CCSER1: variants seen among roughly 807,000 people sequenced by gnomAD.
CCSER1 encodes coiled-coil serine rich protein 1, also known as serine-rich coiled-coil domain-containing protein 1.
Under a neutral mutation model 82.0 loss-of-function variants are expected in CCSER1, and 41 were observed. The observed-to-expected ratio is 0.50, with a 90% CI of 0.39 to 0.65. The LOEUF (loss-of-function observed/expected upper bound fraction) is 0.65, where lower values mean the gene tolerates loss of function less well. Ranked by LOEUF, CCSER1 falls within the 30% of genes least tolerant of loss-of-function variation. The pLI is 0.00. For synonymous variants in CCSER1, 414 were observed against 383.9 expected (o/e 1.08, Z -0.92); for missense variants, 1,119 against 1,064.2 (o/e 1.05, Z -0.72).
Position 90,831,968 on chromosome 4 carries a change from A to G in CCSER1, c.2094+16123A>G, listed in dbSNP as rs1042429224. On this transcript the variant is annotated intron_variant, in intron 8 of 10. Coordinates refer to ENST00000509176, the MANE Select transcript of CCSER1 (RefSeq NM_001145065.2). ...TTGTATCTTGCTTTCTAATAATTGT[A>G]TATCACATATATCTTATATGTGTAA... Among the ~76,000 whole-genome samples, 51 of 152,068 alleles carry G rather than the reference A, an allele frequency of 3.4e-4. 1 individual carries two copies. Among genetic ancestry groups the G allele is most frequent in the South Asian group, 2.1e-4 (1 of 4,828 alleles).
intron 3 of CCSER1, among the ~76,000 whole-genome samples, chr4:90,344,096 T>C (rs1048942347): frequency 1.3e-5 from 2 of 152,166 alleles, no homozygotes; most frequent in Admixed American, 6.5e-5. Context: ...ATGAGTTCAA[T>C]TGTTTCAACT....
At chr4:90,662,188 T>C (rs1579794250) in intron 6 of CCSER1, among the ~76,000 whole-genome samples, 1 of 151,848 alleles carries the variant, frequency 6.6e-6, no homozygotes, top group African/African-American at 2.4e-5. Context: ...TTAGTACAAA[T>C]GGGTTTCACC....
At chr4:91,505,751 T>TA (rs1395984327) in intron 10 of CCSER1, among the ~76,000 whole-genome samples, 1 of 152,216 alleles carries the variant, frequency 6.6e-6, no homozygotes, top group Non-Finnish European at 1.5e-5. Flanking sequence ...TTTTGAGAAG[T>TA]GTCTCTTCAT....
At chr4:91,039,827 C>A (rs766005567) in intron 9 of CCSER1, among the ~76,000 whole-genome samples, 1 of 151,908 alleles carries the variant, frequency 6.6e-6, no homozygotes, top group Non-Finnish European at 1.5e-5. Context: ...GCAATTGTAT[C>A]TATAAGGACA....
At chr4:91,125,767 A>C (rs1727458691) in intron 10 of CCSER1, among the ~76,000 whole-genome samples, 2 of 151,848 alleles carry the variant, frequency 1.3e-5, no homozygotes, top group African/African-American at 2.4e-5. Flanking sequence ...AATGAGAATT[A>C]TTGTACATAA....
chr4:91,004,276 A>T (rs1738310297), intron 9 of CCSER1, among the ~76,000 whole-genome samples: 1 of 152,144 alleles, frequency 6.6e-6, no homozygotes, highest in Non-Finnish European at 1.5e-5. Context: ...GTCTCATCTT[A>T]ATGGAAAGAC....
intron 9 of CCSER1, among the ~76,000 whole-genome samples, chr4:90,941,305 C>A (rs1486386238): frequency 6.6e-6 from 1 of 151,952 alleles, no homozygotes; most frequent in Non-Finnish European, 1.5e-5. Flanking sequence ...TTATCATTGT[C>A]TGTTAAGTTT....
At chr4:90,893,499 T>C (rs1256325913) in intron 8 of CCSER1, among the ~76,000 whole-genome samples, 2 of 151,996 alleles carry the variant, frequency 1.3e-5, no homozygotes, top group Admixed American at 1.3e-4. Context: ...AACAAGGAGA[T>C]GGGAGGGTGG....
chr4:90,940,862 G>T (rs1369429274), intron 9 of CCSER1, among the ~76,000 whole-genome samples: 1 of 152,064 alleles, frequency 6.6e-6, no homozygotes, highest in Non-Finnish European at 1.5e-5. Context: ...GACATAGATT[G>T]TTCTCATATG....
intron 2 of CCSER1, among the ~76,000 whole-genome samples, chr4:90,312,550 A>G (rs1249931167): frequency 6.6e-6 from 1 of 152,128 alleles, no homozygotes; most frequent in Non-Finnish European, 1.5e-5. Context: ...AAGCCAGCAT[A>G]GATTTGGTCC....
intron 10 of CCSER1, among the ~76,000 whole-genome samples, chr4:91,384,788 A>G (rs1224306531): frequency 6.6e-6 from 1 of 152,098 alleles, no homozygotes; most frequent in African/African-American, 2.4e-5. Context: ...ATAAAAATTT[A>G]GAGAAAATAT....
chr4:91,088,067 A>G (rs1723562747), intron 10 of CCSER1, among the ~76,000 whole-genome samples: 1 of 152,072 alleles, frequency 6.6e-6, no homozygotes, highest in Non-Finnish European at 1.5e-5. Context: ...TCCATTTGTT[A>G]TGTTCTAGGA....
chr4:90,314,991 C>T (rs1735929075), intron 3 of CCSER1, among the ~76,000 whole-genome samples: 1 of 151,474 alleles, frequency 6.6e-6, no homozygotes, highest in Non-Finnish European at 1.5e-5. Context: ...GGATTACAGG[C>T]ACCTGCCACC....
chr4:91,054,482 C>G (rs1329433366), intron 9 of CCSER1, among the ~76,000 whole-genome samples: 3 of 151,746 alleles, frequency 2.0e-5, no homozygotes, highest in South Asian at 2.1e-4. Context: ...CTTTTTTAAT[C>G]TTTTTTTGAT....
chr4:91,491,408 G>C (rs1758535195), intron 10 of CCSER1, among the ~76,000 whole-genome samples: 2 of 151,964 alleles, frequency 1.3e-5, no homozygotes, highest in Non-Finnish European at 2.9e-5. Flanking sequence ...ACAGAGCTTA[G>C]TATATGATGG....
intron 9 of CCSER1, among the ~76,000 whole-genome samples, chr4:91,003,146 A>T (rs1738190207): frequency 6.6e-6 from 1 of 152,110 alleles, no homozygotes; most frequent in Non-Finnish European, 1.5e-5. Context: ...GCTCTGGTGG[A>T]GGTGGCAGGG....
intron 10 of CCSER1, among the ~76,000 whole-genome samples, chr4:91,164,890 C>G (rs370447892): frequency 1.2e-4 from 18 of 152,266 alleles, no homozygotes; most frequent in African/African-American, 3.9e-4. Context: ...TCCTTTAGCT[C>G]GAAGAAGTTT....
chr4:91,392,421 T>C (rs1226756834), intron 10 of CCSER1, among the ~76,000 whole-genome samples: 2 of 150,870 alleles, frequency 1.3e-5, no homozygotes, highest in African/African-American at 4.9e-5. Flanking sequence ...TGTATTTTCT[T>C]TTGTGATTTT....
intron 1 of CCSER1, among the ~76,000 whole-genome samples, chr4:90,288,318 T>G (rs1730280966): frequency 6.6e-6 from 1 of 151,950 alleles, no homozygotes. Context: ...TGCACTTGAT[T>G]CTGCCTCTGC....
Sources: gnomAD v4.1 joint callset for allele counts (sites outside exome capture counted in the v4.1 genomes callset) on GRCh38, gnomAD v4.1.1 for gene constraint, MANE v1.5 for transcripts, NCBI Gene and HGNC (gene_info 2026-07-23, HGNC 2026-07-21) for gene names.